The following LRRTM4 variants were observed in gnomAD, a reference collection of about 807,000 sequenced individuals.
The protein encoded by LRRTM4 is leucine-rich repeat transmembrane neuronal protein 4.
Under a neutral mutation model 47.6 loss-of-function variants are expected in LRRTM4, and 25 were observed. The observed-to-expected ratio is 0.53, with a 90% CI of 0.38 to 0.73. The LOEUF (loss-of-function observed/expected upper bound fraction) is 0.73. Ranked by LOEUF, LRRTM4 falls within the 30% of genes least tolerant of loss-of-function variation. LRRTM4 has a pLI of 0.00. For missense variants in LRRTM4, 638 were observed against 713.4 expected (o/e 0.89, Z 1.20); for synonymous variants, 311 against 269.5 (o/e 1.15, Z -1.51).
intron 3 of LRRTM4, among the ~76,000 whole-genome samples, chr2:77,107,505 T>C (rs965489115): frequency 3.9e-5 from 6 of 152,208 alleles, no homozygotes; most frequent in East Asian, 1.9e-4. Flanking sequence ...TGTGACCACA[T>C]TGAACATATA....
intron 3 of LRRTM4, among the ~76,000 whole-genome samples, chr2:76,973,230 C>G (rs985148026): frequency 6.6e-6 from 1 of 151,924 alleles, no homozygotes; most frequent in African/African-American, 2.4e-5. Flanking sequence ...TCTATGATAT[C>G]TATCTTGAAA....
chr2:77,458,302 A>G (rs1676642763), intron 3 of LRRTM4, among the ~76,000 whole-genome samples: 1 of 152,172 alleles, frequency 6.6e-6, no homozygotes, highest in East Asian at 1.9e-4. Flanking sequence ...AGCTATAGCC[A>G]GAAAGGGCAG....
chr2:77,174,092 G>A (rs1673127036), intron 3 of LRRTM4, among the ~76,000 whole-genome samples: 1 of 151,900 alleles, frequency 6.6e-6, no homozygotes, highest in Non-Finnish European at 1.5e-5. Context: ...CCCTTGCCTG[G>A]CTCCATATCA....
chr2:76,942,976 C>G (rs771700110), intron 3 of LRRTM4, among the ~76,000 whole-genome samples: 3 of 152,036 alleles, frequency 2.0e-5, no homozygotes, highest in Non-Finnish European at 4.4e-5. Flanking sequence ...GTTTCCTAGT[C>G]CTTTTCCCTT....
At chr2:77,243,254 T>C (rs1403612441) in intron 3 of LRRTM4, among the ~76,000 whole-genome samples, 2 of 151,422 alleles carry the variant, frequency 1.3e-5, no homozygotes, top group African/African-American at 2.4e-5. Context: ...CTACTAAAAA[T>C]ACAAAATTAG....
intron 3 of LRRTM4, among the ~76,000 whole-genome samples, chr2:77,157,771 G>A (rs145447546): frequency 3.9e-5 from 6 of 152,210 alleles, no homozygotes; most frequent in Admixed American, 2.6e-4. Context: ...TTGCTGAAAC[G>A]ATTGAACCTG....
chr2:76,768,049 A>C (rs980288816), intron 3 of LRRTM4, among the ~76,000 whole-genome samples: 9 of 152,200 alleles, frequency 5.9e-5, no homozygotes, highest in Admixed American at 3.3e-4. Context: ...TAATTGATTG[A>C]TTCTTAAAGA....
intron 3 of LRRTM4, among the ~76,000 whole-genome samples, chr2:77,318,548 T>A (rs933640887): frequency 6.6e-6 from 1 of 152,120 alleles, no homozygotes; most frequent in African/African-American, 2.4e-5. Flanking sequence ...ATAACTACCC[T>A]TTTCAAGGCA....
intron 3 of LRRTM4, among the ~76,000 whole-genome samples, chr2:77,362,103 A>AAGAAAGAAAGAG (rs1247206120): frequency 6.2e-4 from 83 of 133,652 alleles, no homozygotes; most frequent in African/African-American, 2.1e-3. Flanking sequence ...AGGAAAAGGA[A>AAGAAAGAAAGAG]AGAAAGAAAG....
At chr2:77,503,823 C>T (rs1009268626) in intron 3 of LRRTM4, among the ~76,000 whole-genome samples, 2 of 151,326 alleles carry the variant, frequency 1.3e-5, no homozygotes, top group African/African-American at 2.4e-5. Flanking sequence ...GAAAAAAGGC[C>T]GACTGTTAAC....
chr2:76,994,525 A>G (rs1385759354), intron 3 of LRRTM4, among the ~76,000 whole-genome samples: 2 of 150,022 alleles, frequency 1.3e-5, no homozygotes, highest in East Asian at 4.5e-4. Context: ...TCTCTGATCC[A>G]GGAGCCTCAT....
intron 3 of LRRTM4, among the ~76,000 whole-genome samples, chr2:76,915,460 A>C (rs1222014092): frequency 6.6e-6 from 1 of 152,216 alleles, no homozygotes; most frequent in African/African-American, 2.4e-5. Flanking sequence ...CTCAGGTTAC[A>C]GTGACATGGT....
chr2:77,052,601 G>A (rs936822339), intron 3 of LRRTM4, among the ~76,000 whole-genome samples: 1 of 152,070 alleles, frequency 6.6e-6, no homozygotes, highest in South Asian at 2.1e-4. Context: ...TCTGAAGGAA[G>A]AAGTCATACC....
chr2:77,240,381 A>G (rs1289870507), intron 3 of LRRTM4, among the ~76,000 whole-genome samples: 1 of 151,980 alleles, frequency 6.6e-6, no homozygotes, highest in Admixed American at 6.6e-5. Flanking sequence ...ATGGATTTTA[A>G]GTATTTGCTG....
chr2:77,424,654 T>C (rs995305579), intron 3 of LRRTM4, among the ~76,000 whole-genome samples: 1 of 152,228 alleles, frequency 6.6e-6, no homozygotes, highest in African/African-American at 2.4e-5. Flanking sequence ...CATCAAGTAA[T>C]ACTTTAGTGA....
chr2:77,177,547 A>C (rs1673232179), intron 3 of LRRTM4, among the ~76,000 whole-genome samples: 1 of 152,166 alleles, frequency 6.6e-6, no homozygotes, highest in Non-Finnish European at 1.5e-5. Flanking sequence ...AAGGTGCAGA[A>C]ACCTATGTCT....
At chr2:76,849,039 C>T (rs570329150) in intron 3 of LRRTM4, among the ~76,000 whole-genome samples, 1 of 152,074 alleles carries the variant, frequency 6.6e-6, no homozygotes, top group South Asian at 2.1e-4. Flanking sequence ...TTTTCTTTCT[C>T]TCCCCCTATC....
At chr2:77,492,902 C>T (rs912337471) in intron 3 of LRRTM4, among the ~76,000 whole-genome samples, 1 of 152,002 alleles carries the variant, frequency 6.6e-6, no homozygotes, top group African/African-American at 2.4e-5. Flanking sequence ...AACACTTTAT[C>T]CACTGGTCAA....
intron 3 of LRRTM4, among the ~76,000 whole-genome samples, chr2:77,254,269 T>A (rs6736374): frequency 0.18 from 27,343 of 151,878 alleles, 7,157 homozygotes; most frequent in African/African-American, 0.58. Context: ...TTTAAATGCC[T>A]GAAAAGAACT....
Sources: gnomAD v4.1 joint callset for allele counts (sites outside exome capture counted in the v4.1 genomes callset) on GRCh38, gnomAD v4.1.1 for gene constraint, MANE v1.5 for transcripts, NCBI Gene and HGNC (gene_info 2026-07-23, HGNC 2026-07-21) for gene names.